The following CACNA2D3 variants were observed in gnomAD, a reference collection of about 807,000 sequenced individuals.
The protein encoded by CACNA2D3 is voltage-dependent calcium channel subunit alpha-2/delta-3.
CACNA2D3 carries 60 observed loss-of-function variants against 160.6 expected under a neutral mutation model. That is an observed-to-expected ratio of 0.37 (90% CI 0.30 to 0.46). CACNA2D3 has a LOEUF of 0.46. Ranked by LOEUF, CACNA2D3 falls within the 20% of genes least tolerant of loss-of-function variation. CACNA2D3 has a pLI of 1.00. For missense variants in CACNA2D3, 1,205 were observed against 1,365.0 expected (o/e 0.88, Z 1.85); for synonymous variants, 558 against 492.9 (o/e 1.13, Z -1.75).
intron 10 of CACNA2D3, among the ~76,000 whole-genome samples, chr3:54,635,150 A>G (rs1424694444): frequency 6.6e-6 from 1 of 151,836 alleles, no homozygotes; most frequent in Non-Finnish European, 1.5e-5. Context: ...TAGAAGAAAC[A>G]TTTGTTGTAT....
intron 11 of CACNA2D3, among the ~76,000 whole-genome samples, chr3:54,735,449 T>G (rs193257673): frequency 6.6e-6 from 1 of 152,210 alleles, no homozygotes; most frequent in Non-Finnish European, 1.5e-5. Context: ...AAATAAGCTT[T>G]GCACTGCAGA....
chr3:54,995,429 T>G (rs1364115886), intron 31 of CACNA2D3, among the ~76,000 whole-genome samples: 1 of 152,144 alleles, frequency 6.6e-6, no homozygotes, highest in African/African-American at 2.4e-5. Flanking sequence ...AATACTAATT[T>G]GGGACCCTCA....
intron 29 of CACNA2D3, among the ~76,000 whole-genome samples, chr3:54,971,972 G>T (rs1702283394): frequency 6.6e-6 from 1 of 152,014 alleles, no homozygotes; most frequent in African/African-American, 2.4e-5. Flanking sequence ...TCCTGGAAAT[G>T]ATAAGCATTC....
chr3:54,428,022 A>C (rs1482055913), intron 4 of CACNA2D3, among the ~76,000 whole-genome samples: 1 of 152,182 alleles, frequency 6.6e-6, no homozygotes, highest in Non-Finnish European at 1.5e-5. Flanking sequence ...CAAACCCAAA[A>C]CATGTCAGGC....
At chr3:54,369,848 C>T (rs1231877529) in intron 3 of CACNA2D3, among the ~76,000 whole-genome samples, 1 of 152,168 alleles carries the variant, frequency 6.6e-6, no homozygotes, top group Non-Finnish European at 1.5e-5. Flanking sequence ...TTGCATTAGG[C>T]ATAGTTATTA....
chr3:54,939,183 A>G (rs1019807731), intron 27 of CACNA2D3, among the ~76,000 whole-genome samples: 21 of 152,224 alleles, frequency 1.4e-4, no homozygotes, highest in Non-Finnish European at 1.8e-4. Context: ...ACAACCTTCC[A>G]GAAGTTCTCA....
intron 11 of CACNA2D3, among the ~76,000 whole-genome samples, chr3:54,687,137 TTTTTTTTTTTTTTG>T (rs1700474260): frequency 2.9e-5 from 2 of 67,934 alleles, no homozygotes; most frequent in South Asian, 3.8e-4. Flanking sequence ...TTTTTTTTGT[TTTTTTTTTTTTTTG>T]TTTTTTTGAC....
In CACNA2D3 at chr3:54,562,161, T is replaced by A. The variant is rs965836057; in HGVS notation, c.545-639T>A. On this transcript the variant is annotated intron_variant, in intron 5 of 37. Coordinates refer to ENST00000474759, the MANE Select transcript of CACNA2D3 (RefSeq NM_018398.3). ...AATCATACCACCATCCATCCATCCT[T>A]CCCTCTGTTCCTCTACAAGAGTTTT... Among the ~76,000 whole-genome samples the A allele has an allele frequency of 6.6e-5, 10 of 152,180 alleles. 1 individual carries two copies. In the South Asian group the frequency reaches 2.1e-3, roughly 32 times the overall value.
chr3:54,802,559 C>T (rs373207499), intron 13 of CACNA2D3, among the ~76,000 whole-genome samples: 8 of 152,232 alleles, frequency 5.3e-5, no homozygotes, highest in East Asian at 1.9e-4. Context: ...TAGTTGTGAT[C>T]TGCCATGGTG....
chr3:54,493,915 C>G (rs1246938772), intron 4 of CACNA2D3, among the ~76,000 whole-genome samples: 4 of 152,210 alleles, frequency 2.6e-5, no homozygotes, highest in Non-Finnish European at 5.9e-5. Flanking sequence ...CTGTCTGACC[C>G]TTGACAGAAA....
intron 16 of CACNA2D3, among the ~76,000 whole-genome samples, chr3:54,840,719 ATT>A (rs35529003): frequency 2.9e-4 from 25 of 85,742 alleles, no homozygotes; most frequent in African/African-American, 7.1e-4. Flanking sequence ...AAGAGCCATG[ATT>A]TTTTTTTTTT....
At chr3:54,193,080 C>A (rs1701011859) in intron 2 of CACNA2D3, among the ~76,000 whole-genome samples, 1 of 152,198 alleles carries the variant, frequency 6.6e-6, no homozygotes, top group Non-Finnish European at 1.5e-5. Context: ...CACATTTAAT[C>A]CTCACAAGAA....
chr3:54,230,947 A>G (rs1302515351), intron 2 of CACNA2D3, among the ~76,000 whole-genome samples: 2 of 152,234 alleles, frequency 1.3e-5, no homozygotes, highest in Non-Finnish European at 2.9e-5. Context: ...TCTATCGCCA[A>G]AAGATATCCA....
At chr3:54,519,686 C>CTCCCA (rs1412339506) in intron 5 of CACNA2D3, among the ~76,000 whole-genome samples, 1 of 152,190 alleles carries the variant, frequency 6.6e-6, no homozygotes, top group Non-Finnish European at 1.5e-5. Context: ...AGAGTCTTAT[C>CTCCCA]TCCCATTCCA....
At chr3:54,998,922 A>G (rs1300516571) in intron 31 of CACNA2D3, among the ~76,000 whole-genome samples, 4 of 151,860 alleles carry the variant, frequency 2.6e-5, no homozygotes, top group African/African-American at 9.7e-5. Flanking sequence ...AATTTTTTAT[A>G]TTTTTAGTAG....
intron 13 of CACNA2D3, among the ~76,000 whole-genome samples, chr3:54,815,726 A>T (rs771294445): frequency 4.6e-5 from 7 of 152,158 alleles, no homozygotes; most frequent in Non-Finnish European, 1.0e-4. Context: ...TTTAAGTTCC[A>T]TTTTAGTTTT....
intron 4 of CACNA2D3, among the ~76,000 whole-genome samples, chr3:54,461,515 G>T (rs951249252): frequency 6.6e-6 from 1 of 151,512 alleles, no homozygotes; most frequent in Middle Eastern, 3.4e-3. Context: ...GAGGGTGTAC[G>T]TGTCGAGGAA....
intron 2 of CACNA2D3, among the ~76,000 whole-genome samples, chr3:54,222,891 T>A (rs536918945): frequency 5.9e-5 from 9 of 152,366 alleles, no homozygotes; most frequent in African/African-American, 1.4e-4. Flanking sequence ...TTTTAGAGAA[T>A]TTAATGTACT....
chr3:54,720,112 G>A (rs1235139569), intron 11 of CACNA2D3, among the ~76,000 whole-genome samples: 3 of 151,772 alleles, frequency 2.0e-5, no homozygotes, highest in Non-Finnish European at 4.4e-5. Context: ...TTGTACATCT[G>A]TTTGCTGTGT....
Sources: gnomAD v4.1 joint callset for allele counts (sites outside exome capture counted in the v4.1 genomes callset) on GRCh38, gnomAD v4.1.1 for gene constraint, MANE v1.5 for transcripts, NCBI Gene and HGNC (gene_info 2026-07-23, HGNC 2026-07-21) for gene names.